The following SYTL5 variants were observed in gnomAD, a reference collection of about 807,000 sequenced individuals.
SYTL5 encodes synaptotagmin like 5, also known as synaptotagmin-like protein 5.
A neutral mutation model predicts 55.9 loss-of-function variants in SYTL5; 34 were observed. The observed-to-expected ratio is 0.61, with a 90% CI of 0.46 to 0.81. The LOEUF (loss-of-function observed/expected upper bound fraction) is 0.81, where lower values mean the gene tolerates loss of function less well. Ranked by LOEUF, SYTL5 falls within the 30% of genes least tolerant of loss-of-function variation. The pLI is 0.00. For missense variants in SYTL5, 637 were observed against 546.7 expected, an observed-to-expected ratio of 1.17 and a Z score of -1.65; for synonymous variants, 221 against 188.7, an observed-to-expected ratio of 1.17 and a Z score of -1.40.
chrX:38,110,623 ATAT>A (rs1937336475), intron 13 of SYTL5, 141 bp downstream of exon 13: 1 of 426,782 alleles, frequency 2.3e-6, no homozygotes, highest in East Asian at 4.1e-5. Flanking sequence ...TTTTGGAATA[ATAT>A]TATAAAAATG....
intron 2 of SYTL5, among the ~76,000 whole-genome samples, chrX:38,051,017 G>T (rs975677086): frequency 8.9e-6 from 1 of 112,242 alleles, no homozygotes; most frequent in African/African-American, 3.2e-5. Flanking sequence ...AAGGAGAATG[G>T]GAAGTATTTA....
chrX:38,122,998 C>T (rs1211105413), intron 15 of SYTL5, among the ~76,000 whole-genome samples: 2 of 112,675 alleles, frequency 1.8e-5, no homozygotes, highest in South Asian at 3.7e-4. Flanking sequence ...AAAACAAATT[C>T]CCATGATGCC....
intron 4 of SYTL5, among the ~76,000 whole-genome samples, chrX:38,072,723 TG>T (rs1936298964): frequency 8.9e-6 from 1 of 111,908 alleles, no homozygotes; most frequent in Non-Finnish European, 1.9e-5. Flanking sequence ...CTAAATGGCT[TG>T]AAATGCATAG....
chrX:38,115,803 A>G (rs897296212), intron 13 of SYTL5, among the ~76,000 whole-genome samples: 1 of 111,815 alleles, frequency 8.9e-6, no homozygotes, highest in African/African-American at 3.3e-5. Context: ...GAATTGCTTG[A>G]GTTCCTCATG....
At chrX:37,982,981 T>C in the SYTL5 span, among the ~76,000 whole-genome samples, 1 of 110,933 alleles carries the variant, frequency 9.0e-6, no homozygotes, top group Non-Finnish European at 1.9e-5. Context: ...TGGAATTCAG[T>C]TTCTGATAAG....
At position 38,127,019 on chromosome X, in the gene SYTL5, A is replaced by T; in HGVS notation, c.*289A>T. 4.4e-6 allele frequency: 1 copy of T among 226,958 alleles called. No homozygotes were observed. Among genetic ancestry groups the T allele is most frequent in the East Asian group, 7.2e-5 (1 of 13,847 alleles). The allele number at this position is 226,958 out of a possible 1,213,427, so 18.7% of individuals were successfully genotyped here. A position where few individuals can be genotyped will look rare whatever the true frequency, so the allele number is the denominator to read the frequency against. On this transcript the variant is annotated 3_prime_UTR_variant, in exon 17 of 17. Transcript: ENST00000297875. Reference sequence around the variant, plus strand: ...GCTTATAGGGTTTATGCCATAAAAGAAATGGCACAAGCCTCCATTTGCTAA... The same window carrying T: ...GCTTATAGGGTTTATGCCATAAAAGTAATGGCACAAGCCTCCATTTGCTAA...
chrX:38,036,287 C>A (rs998845107), intron 2 of SYTL5, among the ~76,000 whole-genome samples: 1 of 111,463 alleles, frequency 9.0e-6, no homozygotes, highest in African/African-American at 3.3e-5. Context: ...GCCTGGGTGA[C>A]AGAGCCAGAC....
the SYTL5 span, among the ~76,000 whole-genome samples, chrX:37,923,096 G>T: frequency 8.9e-6 from 1 of 112,748 alleles, no homozygotes; most frequent in Non-Finnish European, 1.9e-5. Flanking sequence ...CTGCCCTTTT[G>T]CAGGGAGGCA....
intron 1 of SYTL5, among the ~76,000 whole-genome samples, chrX:38,009,110 T>G (rs1205837000): frequency 8.9e-6 from 1 of 112,322 alleles, no homozygotes; most frequent in Non-Finnish European, 1.9e-5. Flanking sequence ...TCTATACTAT[T>G]TATTCAACTG....
At chrX:37,957,937 G>A in the SYTL5 span, among the ~76,000 whole-genome samples, 13 of 112,201 alleles carry the variant, frequency 1.2e-4, no homozygotes, top group Admixed American at 7.5e-4. Context: ...GACTGGGCGT[G>A]GTGGCTCACG....
At chrX:37,993,729 G>A in the SYTL5 span, among the ~76,000 whole-genome samples, 1 of 112,619 alleles carries the variant, frequency 8.9e-6, no homozygotes, top group Admixed American at 9.3e-5. Context: ...TAGAGGGAAT[G>A]TAAATTAGCT....
intron 1 of SYTL5, among the ~76,000 whole-genome samples, chrX:38,019,878 G>T (rs1332479990): frequency 9.0e-6 from 1 of 111,188 alleles, no homozygotes; most frequent in Non-Finnish European, 1.9e-5. Flanking sequence ...CAGGTGATCC[G>T]CCCGCTTCGG....
intron 1 of SYTL5, among the ~76,000 whole-genome samples, chrX:38,006,982 T>A (rs1221387011): frequency 9.0e-6 from 1 of 111,177 alleles, no homozygotes; most frequent in Non-Finnish European, 1.9e-5. Flanking sequence ...GGAACAAATA[T>A]GCATTCTAGT....
chrX:37,967,815 T>C, the SYTL5 span, among the ~76,000 whole-genome samples: 1 of 109,339 alleles, frequency 9.1e-6, no homozygotes, highest in South Asian at 3.9e-4. Context: ...TTACTGATCC[T>C]TTGTCACGCT....
Position 38,103,054 on chromosome X carries a change from G to T in SYTL5, c.1155+620G>T, listed in dbSNP as rs975442854. 4 of 1,159,817 alleles carry T rather than the reference G, an allele frequency of 3.4e-6. No homozygotes were observed. In the African/African-American group the frequency reaches 7.2e-5, roughly 21 times the overall value. The stretch of plus-strand genomic sequence containing the variant: ...TCTCAAGCAGGTTCTGACAGGAAGT[G>T]GACCTACCTAAATGTGCCTGATGCT... On this transcript the variant is annotated intron_variant, in intron 10 of 16. Coordinates refer to ENST00000297875, the MANE Select transcript of SYTL5 (RefSeq NM_138780.3).
the SYTL5 span, among the ~76,000 whole-genome samples, chrX:37,905,821 C>A: frequency 8.8e-6 from 1 of 113,175 alleles, no homozygotes; most frequent in Non-Finnish European, 1.9e-5. Flanking sequence ...TGGCAGCGGG[C>A]GGCTGCCTTG....
At chrX:37,888,923 T>A in the SYTL5 span, among the ~76,000 whole-genome samples, 2 of 94,394 alleles carry the variant, frequency 2.1e-5, no homozygotes, top group African/African-American at 9.7e-5. Context: ...AGAGTGAGAC[T>A]CTGTCTCAAA....
rs747176934 is a variant in SYTL5, at chrX:38,125,358, T to G, written c.1902T>G (p.Ser634Arg). Residue 634 changes from serine (S) to arginine (R), a missense_variant, in exon 16 of 17, where the codon AGT (serine) becomes AGG (arginine). Ser to Arg is a moderately radical substitution (Grantham distance 110, BLOSUM62 -1). Transcript: ENST00000297875. ...TKHKTLVIKK[S>R]VNPQWNHTFM... ...ACAAAACTCTGGTAATAAAAAAGAG[T>G]GTTAACCCTCAGTGGAATCATACAT... The G allele has an allele frequency of 8.3e-7, 1 of 1,210,751 alleles. No homozygotes were observed. Among genetic ancestry groups the G allele is most frequent in the Non-Finnish European group, 1.1e-6 (1 of 895,013 alleles).
intron 2 of SYTL5, among the ~76,000 whole-genome samples, chrX:38,050,430 A>T (rs1270171944): frequency 2.7e-5 from 3 of 111,961 alleles, no homozygotes; most frequent in Non-Finnish European, 5.6e-5. Flanking sequence ...AGATTGTATC[A>T]TTCAACAACC....
Sources: gnomAD v4.1 joint callset for allele counts (sites outside exome capture counted in the v4.1 genomes callset) on GRCh38, gnomAD v4.1.1 for gene constraint, MANE v1.5 for transcripts, NCBI Gene and HGNC (gene_info 2026-07-23, HGNC 2026-07-21) for gene names.